The following FRMD5 variants were observed in gnomAD, a reference collection of about 807,000 sequenced individuals.
The protein encoded by FRMD5 is FERM domain-containing protein 5.
In FRMD5, 20 loss-of-function variants were observed where a neutral mutation model predicts 69.0. The ratio of observed to expected loss-of-function variants is 0.29; its 90% confidence interval spans 0.20 to 0.42. FRMD5 has a LOEUF of 0.42. FRMD5 is among the 10% of genes least tolerant of loss of function. FRMD5 has a pLI of 1.00. For missense variants in FRMD5, 595 were observed against 708.6 expected (o/e 0.84, Z 1.82); for synonymous variants, 271 against 260.1 (o/e 1.04, Z -0.40).
At position 43,888,223 on chromosome 15, in the gene FRMD5, G is replaced by A. The variant is rs1200093582; in HGVS notation, c.836C>T (p.Ala279Val). ...ILTYFAPTPEACKHLWKCGIE... is the reference protein window; with the variant it reads ...ILTYFAPTPEVCKHLWKCGIE... ...TCCACATTTCCAGAGGTGCTTACAC[G>A]CTTCAGGAGTTGGAGCAAAATATGT... The change falls in exon 10 of 14, where the codon GCG (alanine) becomes GTG (valine). Residue 279 changes from alanine (A) to valine (V), a missense_variant. Ala to Val is a moderately conservative substitution (Grantham distance 64, BLOSUM62 0). Around this residue, in one of 5 missense-constraint regions of FRMD5, gnomAD observed 176 missense variants for 266.3 expected, o/e 0.66. Transcript: ENST00000417257. 1.9e-6 allele frequency: 3 copies of A among 1,614,054 alleles called. No homozygotes were observed. Among genetic ancestry groups the A allele is most frequent in the Non-Finnish European group, 2.5e-6 (3 of 1,179,918 alleles).
chr15:44,196,483 G>T (rs369798197), upstream of FRMD5, among the ~76,000 whole-genome samples: 2 of 151,520 alleles, frequency 1.3e-5, no homozygotes, highest in Non-Finnish European at 2.9e-5. Context: ...AAAAATAATC[G>T]TGTCAACATA....
Position 43,873,631 on chromosome 15 carries a change from ATGAGAAACAGAGTCGCTGAGCCTTTCT to A in FRMD5, c.*227_*253del. On this transcript the variant is annotated 3_prime_UTR_variant, in exon 14 of 14. Transcript: ENST00000417257. ...AAAAATTATCCTGCAAATTGGAAAG[ATGAGAAACAGAGTCGCTGAGCCTTTCT>A]TGAAATAACTTCTGAAGAAAATGAG... The A allele has an allele frequency of 2.7e-6, 4 of 1,478,042 alleles. No homozygotes were observed. Among genetic ancestry groups the A allele is most frequent in the Non-Finnish European group, 3.6e-6 (4 of 1,124,510 alleles). 91.6% of individuals were successfully genotyped at this position (1,478,042 alleles called of 1,614,324 possible). A position where few individuals can be genotyped will look rare whatever the true frequency, so the allele number is the denominator to read the frequency against.
intron 1 of FRMD5, among the ~76,000 whole-genome samples, chr15:43,942,853 G>C (rs558619040): frequency 6.6e-6 from 1 of 152,154 alleles, no homozygotes; most frequent in African/African-American, 2.4e-5. Context: ...TCCACCTCCC[G>C]GGCTCAAGAG....
intron 1 of FRMD5, among the ~76,000 whole-genome samples, chr15:43,935,809 A>G (rs942032849): frequency 7.2e-5 from 11 of 152,172 alleles, no homozygotes; most frequent in African/African-American, 2.4e-4. Context: ...CTGCTGAAAA[A>G]AATCTTAACA....
intron 1 of FRMD5, among the ~76,000 whole-genome samples, chr15:44,096,121 G>A (rs539551656): frequency 2.7e-5 from 4 of 145,456 alleles, no homozygotes; most frequent in Non-Finnish European, 4.5e-5. Flanking sequence ...CAGGAGAATC[G>A]CTTGAACCCA....
chr15:44,183,273 G>T (rs1333375260), intron 1 of FRMD5, among the ~76,000 whole-genome samples: 1 of 152,136 alleles, frequency 6.6e-6, no homozygotes, highest in Non-Finnish European at 1.5e-5. Flanking sequence ...AGAGATTATG[G>T]AGGGCCTTCT....
At chr15:44,001,881 C>T (rs886379828) in intron 1 of FRMD5, among the ~76,000 whole-genome samples, 2 of 151,890 alleles carry the variant, frequency 1.3e-5, no homozygotes, top group African/African-American at 2.4e-5. Flanking sequence ...AATTAGCACC[C>T]GGATAATTTT....
chr15:44,021,464 CCAAA>C (rs769761905), intron 1 of FRMD5, among the ~76,000 whole-genome samples: 4 of 151,968 alleles, frequency 2.6e-5, no homozygotes, highest in Non-Finnish European at 4.4e-5. Flanking sequence ...ACCCAAAAGG[CCAAA>C]CAATTTTATT....
At chr15:44,038,130 C>T (rs1892007415) in intron 1 of FRMD5, among the ~76,000 whole-genome samples, 1 of 152,150 alleles carries the variant, frequency 6.6e-6, no homozygotes, top group Admixed American at 6.6e-5. Flanking sequence ...ATCCTTCACC[C>T]ACTTTTTGAT....
chr15:44,022,565 C>A (rs1268577697), intron 1 of FRMD5, among the ~76,000 whole-genome samples: 1 of 108,598 alleles, frequency 9.2e-6, no homozygotes, highest in Non-Finnish European at 1.7e-5. Flanking sequence ...CAGAGCAAGA[C>A]TCTGTCCCCA....
chr15:44,198,932 A>G (rs1278366315), upstream of FRMD5, among the ~76,000 whole-genome samples: 2 of 152,198 alleles, frequency 1.3e-5, no homozygotes, highest in Non-Finnish European at 2.9e-5. Flanking sequence ...AATTATCAGA[A>G]TATCAGCCGT....
chr15:44,132,063 A>G (rs577357289), intron 1 of FRMD5, among the ~76,000 whole-genome samples: 1 of 152,186 alleles, frequency 6.6e-6, no homozygotes, highest in Non-Finnish European at 1.5e-5. Flanking sequence ...AATGGGAGAC[A>G]GTGACACATC....
chr15:44,183,805 AACC>A (rs1367090647), intron 1 of FRMD5, among the ~76,000 whole-genome samples: 7 of 152,064 alleles, frequency 4.6e-5, no homozygotes, highest in Non-Finnish European at 1.0e-4. Flanking sequence ...AACATGGCGA[AACC>A]CTGTCTCTAT....
chr15:44,148,179 A>G (rs2077384866), intron 1 of FRMD5, among the ~76,000 whole-genome samples: 1 of 152,154 alleles, frequency 6.6e-6, no homozygotes, highest in Non-Finnish European at 1.5e-5. Context: ...AAAGACTAAG[A>G]TATTCAAAAG....
chr15:44,190,168 T>C (rs773062990), intron 1 of FRMD5, among the ~76,000 whole-genome samples: 17 of 152,150 alleles, frequency 1.1e-4, no homozygotes, highest in Admixed American at 2.0e-4. Flanking sequence ...CTAGACACAT[T>C]TGAGAGACGA....
chr15:44,094,505 A>G (rs555941714), intron 1 of FRMD5, among the ~76,000 whole-genome samples: 2 of 152,302 alleles, frequency 1.3e-5, no homozygotes, highest in African/African-American at 4.8e-5. Context: ...CCAAACTCCC[A>G]CTAAACAGTG....
At chr15:44,014,475 G>A (rs566970756) in intron 1 of FRMD5, among the ~76,000 whole-genome samples, 2 of 152,250 alleles carry the variant, frequency 1.3e-5, no homozygotes, top group South Asian at 2.1e-4. Flanking sequence ...GGTAGCTCAC[G>A]CCTGTAATCC....
intron 1 of FRMD5, among the ~76,000 whole-genome samples, chr15:43,999,952 GCA>G (rs1566889769): frequency 3.5e-5 from 2 of 56,616 alleles, no homozygotes; most frequent in African/African-American, 1.9e-4. Flanking sequence ...TATATGCCAT[GCA>G]TATATATATA....
chr15:44,190,153 C>T (rs185560292), intron 1 of FRMD5, among the ~76,000 whole-genome samples: 3 of 152,270 alleles, frequency 2.0e-5, no homozygotes, highest in Non-Finnish European at 2.9e-5. Context: ...TAGTACAAGC[C>T]TTAACTAGAC....
Sources: gnomAD v4.1 joint callset for allele counts (sites outside exome capture counted in the v4.1 genomes callset) on GRCh38, gnomAD v4.1.1 for gene constraint, gnomAD v4.1.1 regional missense constraint, MANE v1.5 for transcripts, NCBI Gene and HGNC (gene_info 2026-07-23, HGNC 2026-07-21) for gene names.